PDE3B: variants seen among roughly 807,000 people sequenced by gnomAD.
The protein encoded by PDE3B is cGMP-inhibited 3',5'-cyclic phosphodiesterase 3B.
In PDE3B, 66 loss-of-function variants were observed where a neutral mutation model predicts 116.8. The observed-to-expected ratio is 0.56, with a 90% CI of 0.46 to 0.69. The LOEUF is 0.69. Ranked by LOEUF, PDE3B falls within the 30% of genes least tolerant of loss-of-function variation. The pLI is 0.00. For synonymous variants in PDE3B, 595 were observed against 533.6 expected (o/e 1.12, Z -1.59); for missense variants, 1,384 against 1,368.1 (o/e 1.01, Z -0.18).
chr11:14,785,797 G>A (rs1228438111), intron 2 of PDE3B, among the ~76,000 whole-genome samples: 3 of 151,670 alleles, frequency 2.0e-5, no homozygotes, highest in Non-Finnish European at 4.4e-5. Context: ...TTAAGTTATC[G>A]CTATCTCTTT....
At chr11:14,777,701 G>C (rs1857829451) in intron 2 of PDE3B, among the ~76,000 whole-genome samples, 1 of 152,162 alleles carries the variant, frequency 6.6e-6, no homozygotes, top group Admixed American at 6.5e-5. Context: ...AATAGGAACA[G>C]CTCCAGTCTA....
At chr11:14,892,079 G>T in the PDE3B span, 1 of 1,611,752 alleles carries the variant, frequency 6.2e-7, no homozygotes, top group Non-Finnish European at 8.5e-7. Flanking sequence ...AGCCCCGGCG[G>T]CCCCGGGGGG....
rs782796248 is a variant in PDE3B at position 14,867,699 on chromosome 11, A to T, written c.3080A>T (p.Asp1027Val). 17 of 1,613,452 alleles carry T rather than the reference A, an allele frequency of 1.1e-5. No individual in the cohort carries two copies. The Admixed American group carries it at 2.8e-4, about 27-fold the overall frequency. Residue 1027 changes from aspartate (D) to valine (V), a missense_variant, in exon 15 of 16, where the codon GAT (aspartate) becomes GTT (valine). This residue lies in a region of PDE3B where 428 missense variants were observed against 561.4 expected (regional missense o/e 0.76). Transcript: ENST00000282096. ...EEDNDTESGD[D>V]EDGEELDTED... is the part of the protein sequence containing the mutation. Reference sequence around the variant, plus strand: ...GATAATGATACTGAAAGTGGTGATGATGAAGACGGTGAAGAATTAGATACA... The same window carrying T: ...GATAATGATACTGAAAGTGGTGATGTTGAAGACGGTGAAGAATTAGATACA...
intron 14 of PDE3B, among the ~76,000 whole-genome samples, chr11:14,867,078 AAGG>A (rs1848060412): frequency 1.3e-5 from 2 of 151,780 alleles, no homozygotes. Context: ...AAAAAAAAAA[AAGG>A]GGGTGGAGGT....
intron 1 of PDE3B, among the ~76,000 whole-genome samples, chr11:14,671,985 C>T (rs538803292): frequency 6.8e-6 from 1 of 147,164 alleles, no homozygotes; most frequent in Non-Finnish European, 1.5e-5. Flanking sequence ...GTACTGTACT[C>T]CAGCCTGGGT....
intron 2 of PDE3B, among the ~76,000 whole-genome samples, chr11:14,777,153 C>T (rs181736789): frequency 6.6e-6 from 1 of 152,126 alleles, no homozygotes; most frequent in East Asian, 1.9e-4. Flanking sequence ...GTGGAGATGA[C>T]AGTAGGATAG....
chr11:14,880,658 C>T, the PDE3B span: 1 of 1,597,832 alleles, frequency 6.3e-7, no homozygotes, highest in Non-Finnish European at 8.5e-7. Flanking sequence ...TTGGTTTCTT[C>T]CAAGATTTTA....
the PDE3B span, chr11:14,892,350 C>A: frequency 1.3e-6 from 1 of 750,698 alleles, no homozygotes; most frequent in Non-Finnish European, 2.2e-6. Flanking sequence ...GCTCAGGCCC[C>A]TTCGGGACAA....
intron 1 of PDE3B, among the ~76,000 whole-genome samples, chr11:14,728,741 T>G (rs900554472): frequency 3.3e-5 from 5 of 152,118 alleles, no homozygotes; most frequent in African/African-American, 1.2e-4. Flanking sequence ...AGCAGAATTC[T>G]TGATAGAATT....
chr11:14,880,542 T>C, the PDE3B span: 1 of 1,613,480 alleles, frequency 6.2e-7, no homozygotes, highest in Non-Finnish European at 8.5e-7. Flanking sequence ...AAGTGAATCG[T>C]TCTCCAAAAA....
intron 14 of PDE3B, among the ~76,000 whole-genome samples, chr11:14,865,861 A>C (rs1565171114): frequency 1.3e-5 from 2 of 152,168 alleles, no homozygotes; most frequent in Non-Finnish European, 2.9e-5. Flanking sequence ...AGTGTATGTA[A>C]ATTTTAGAAA....
At chr11:14,770,911 G>A (rs1590130273) in intron 1 of PDE3B, among the ~76,000 whole-genome samples, 1 of 151,600 alleles carries the variant, frequency 6.6e-6, no homozygotes, top group Admixed American at 6.6e-5. Context: ...GCTGCCAGCA[G>A]ACTGTTTTTG....
At chr11:14,794,171 C>T (rs1006944582) in intron 4 of PDE3B, among the ~76,000 whole-genome samples, 15 of 152,136 alleles carry the variant, frequency 9.9e-5, no homozygotes, top group Non-Finnish European at 1.5e-4. Flanking sequence ...CAATTTCTTC[C>T]ACCATACTCT....
chr11:14,666,252 C>G (rs1207756175), intron 1 of PDE3B, among the ~76,000 whole-genome samples: 1 of 148,188 alleles, frequency 6.7e-6, no homozygotes, highest in African/African-American at 2.5e-5. Flanking sequence ...GAAACTGGAT[C>G]CCTTCCTTAC....
chr11:14,672,589 A>G (rs1156230980), intron 1 of PDE3B, among the ~76,000 whole-genome samples: 1 of 152,170 alleles, frequency 6.6e-6, no homozygotes, highest in Non-Finnish European at 1.5e-5. Context: ...AAAGAAGTTT[A>G]TTTATCATAT....
intron 4 of PDE3B, among the ~76,000 whole-genome samples, chr11:14,797,934 C>T (rs537961415): frequency 6.6e-6 from 1 of 152,226 alleles, no homozygotes; most frequent in East Asian, 1.9e-4. Flanking sequence ...CTTTCTCTTG[C>T]CCGATTGCCC....
intron 1 of PDE3B, among the ~76,000 whole-genome samples, chr11:14,770,700 C>T (rs1483240875): frequency 6.6e-6 from 1 of 151,504 alleles, no homozygotes; most frequent in South Asian, 2.1e-4. Flanking sequence ...CACTGGTTCA[C>T]AAGTCTTCTG....
chr11:14,667,734 T>G (rs1854220159), intron 1 of PDE3B, among the ~76,000 whole-genome samples: 1 of 151,588 alleles, frequency 6.6e-6, no homozygotes. Context: ...ATATACCTAA[T>G]GCTAAATGAC....
intron 1 of PDE3B, among the ~76,000 whole-genome samples, chr11:14,710,098 C>T (rs752435952): frequency 2.0e-5 from 3 of 152,156 alleles, no homozygotes; most frequent in South Asian, 2.1e-4. Context: ...CATACATACA[C>T]CCTGGAGTTA....
Sources: allele counts gnomAD v4.1 joint callset (sites outside exome capture counted in the v4.1 genomes callset), GRCh38; gene constraint gnomAD v4.1.1; regional missense constraint gnomAD v4.1.1; transcripts MANE v1.5; gene names NCBI Gene and HGNC (gene_info 2026-07-23, HGNC 2026-07-21).